The following DOCK9 variants were observed in gnomAD, a reference collection of about 807,000 sequenced individuals.
DOCK9 encodes dedicator of cytokinesis 9.
In DOCK9, 89 loss-of-function variants were observed where a neutral mutation model predicts 263.3. That is an observed-to-expected ratio of 0.34 (90% CI 0.28 to 0.40). DOCK9 has a LOEUF of 0.40. Ranked by LOEUF, DOCK9 falls within the 10% of genes least tolerant of loss-of-function variation. The probability of loss-of-function intolerance (pLI) is 1.00; values close to 1 mark genes in which losing one functional copy is unlikely to be tolerated. For synonymous variants in DOCK9, 976 were observed against 973.1 expected, an observed-to-expected ratio of 1.00 and a Z score of -0.06; for missense variants, 2,140 against 2,603.4, an observed-to-expected ratio of 0.82 and a Z score of 3.87.
chr13:99,074,542 G>C (rs2041828901), intron 1 of DOCK9, among the ~76,000 whole-genome samples: 1 of 152,194 alleles, frequency 6.6e-6, no homozygotes, highest in Non-Finnish European at 1.5e-5. Context: ...CCCACTCCGT[G>C]CCCAGCGGCA....
At chr13:98,828,306 G>C (rs538706046) in intron 43 of DOCK9, among the ~76,000 whole-genome samples, 5 of 152,222 alleles carry the variant, frequency 3.3e-5, no homozygotes, top group Non-Finnish European at 7.3e-5. Context: ...ATTCACAGAG[G>C]AACAGCTGAA....
intron 44 of DOCK9, among the ~76,000 whole-genome samples, chr13:98,824,784 T>C (rs1393711191): frequency 2.0e-5 from 3 of 152,134 alleles, no homozygotes; most frequent in African/African-American, 7.2e-5. Flanking sequence ...AACTGAGAAA[T>C]AGGTATTAAA....
intron 11 of DOCK9, among the ~76,000 whole-genome samples, chr13:98,902,728 T>G (rs949639869): frequency 6.6e-6 from 1 of 152,380 alleles, no homozygotes; most frequent in Middle Eastern, 3.4e-3. Context: ...GAAAACACAG[T>G]TGCGTTCCCT....
rs535100190 is a variant in DOCK9 at position 98,848,128 on chromosome 13, C to G, written c.4061+464G>C. ...GAAGTCCACACAAATTTGGGATGGA[C>G]TGAAAACATTCTTTCATTAAGAAAG... On this transcript the variant is annotated intron_variant, in intron 37 of 52. Coordinates refer to ENST00000682017, the MANE Select transcript of DOCK9 (RefSeq NM_001366683.2). Among the ~76,000 whole-genome samples the G allele has an allele frequency of 5.2e-4, 79 of 152,260 alleles. 1 individual carries two copies. The highest frequency in any genetic ancestry group is 8.8e-4 in the Non-Finnish European group (60 of 68,028).
At chr13:99,000,701 GC>G (rs901588161) in intron 1 of DOCK9, among the ~76,000 whole-genome samples, 13 of 152,114 alleles carry the variant, frequency 8.5e-5, no homozygotes, top group Non-Finnish European at 2.9e-5. Context: ...ATGACAAAAT[GC>G]CCCCAAACCT....
chr13:98,902,941 T>G (rs2048516916), intron 11 of DOCK9, 31 bp downstream of exon 11: 1 of 1,484,502 alleles, frequency 6.7e-7, no homozygotes, highest in East Asian at 2.5e-5. Flanking sequence ...CTATTTTTTT[T>G]TTAATGTTTA....
At chr13:98,850,696 GT>G (rs1425415536) in intron 35 of DOCK9, among the ~76,000 whole-genome samples, 1 of 152,088 alleles carries the variant, frequency 6.6e-6, no homozygotes, top group Non-Finnish European at 1.5e-5. Context: ...TTATAATTAT[GT>G]TTCAATGAAC....
chr13:99,082,715 G>A (rs185477640), intron 1 of DOCK9, among the ~76,000 whole-genome samples: 397 of 152,122 alleles, frequency 2.6e-3, no homozygotes, highest in Non-Finnish European at 4.3e-3. Context: ...TAGAATATAC[G>A]CCAGCCACTG....
intron 1 of DOCK9, among the ~76,000 whole-genome samples, chr13:99,073,178 T>A (rs991126549): frequency 2.8e-4 from 42 of 152,222 alleles, no homozygotes; most frequent in Admixed American, 2.3e-3. Flanking sequence ...CTGACCCGCA[T>A]ACCCTACCAC....
intron 38 of DOCK9, among the ~76,000 whole-genome samples, chr13:98,841,067 A>C (rs1053132746): frequency 6.6e-6 from 1 of 152,204 alleles, no homozygotes; most frequent in Non-Finnish European, 1.5e-5. Flanking sequence ...TTTATTGCTA[A>C]AGAGGTTTTC....
chr13:98,982,252 T>G (rs2141610473), upstream of DOCK9, among the ~76,000 whole-genome samples: 1 of 152,304 alleles, frequency 6.6e-6, no homozygotes, highest in East Asian at 1.9e-4. Context: ...GGGCAATTTG[T>G]GACTCAAAGG....
chr13:98,876,938 T>A (rs1190911932), intron 27 of DOCK9, among the ~76,000 whole-genome samples: 4 of 152,252 alleles, frequency 2.6e-5, no homozygotes, highest in Non-Finnish European at 4.4e-5. Context: ...TACCAGAGTT[T>A]CCACTTAAGC....
chr13:98,938,898 C>T (rs1270114850), intron 2 of DOCK9, among the ~76,000 whole-genome samples: 1 of 152,208 alleles, frequency 6.6e-6, no homozygotes, highest in Non-Finnish European at 1.5e-5. Flanking sequence ...AGACAATCTC[C>T]CAGAGAAGTG....
Position 98,863,123 on chromosome 13 carries a change from C to A in DOCK9, c.3475G>T (p.Ala1159Ser). The A allele has an allele frequency of 6.2e-7, 1 of 1,605,152 alleles. No homozygotes were observed. The highest frequency in any genetic ancestry group is 2.2e-5 in the East Asian group (1 of 44,618). Residue 1159 changes from alanine to serine, a missense_variant, in exon 32 of 53, where the codon GCA (alanine) becomes TCA (serine). This residue lies in a region of DOCK9 where 1,521 missense variants were observed against 1,741.7 expected (regional missense o/e 0.87). Transcript: ENST00000682017. ...DDRYASRSHQ[A>S]RIATLYLPLF... ...GGCAGGTAGAGGGTGGCTATCCTTGCCTGATGGCTCTGAAAAGAAGACACA... is the reference window on the plus strand; with the variant it reads ...GGCAGGTAGAGGGTGGCTATCCTTGACTGATGGCTCTGAAAAGAAGACACA...
intron 30 of DOCK9, 21 bp from the exon 31 acceptor site, chr13:98,863,569 A>C (rs1555368594): frequency 6.3e-7 from 1 of 1,583,476 alleles, no homozygotes; most frequent in Admixed American, 1.8e-5. Flanking sequence ...GATAGAAACT[A>C]CTTGAGTTAG....
At chr13:99,065,910 T>G (rs1479153374) in intron 1 of DOCK9, among the ~76,000 whole-genome samples, 1 of 152,212 alleles carries the variant, frequency 6.6e-6, no homozygotes, top group Non-Finnish European at 1.5e-5. Flanking sequence ...TGTGTTCACT[T>G]AATTGATGCA....
At chr13:98,798,702 T>C (rs1206839768) in intron 50 of DOCK9, among the ~76,000 whole-genome samples, 3 of 152,234 alleles carry the variant, frequency 2.0e-5, no homozygotes, top group African/African-American at 7.2e-5. Flanking sequence ...AGTGAGCTGC[T>C]TGATGAAACA....
At chr13:98,910,557 A>G (rs1322243326) in intron 9 of DOCK9, among the ~76,000 whole-genome samples, 2 of 152,180 alleles carry the variant, frequency 1.3e-5, no homozygotes, top group Non-Finnish European at 2.9e-5. Flanking sequence ...GACATCAGTT[A>G]TTTTTGCACT....
At chr13:99,069,920 C>G (rs1436847136) in intron 1 of DOCK9, among the ~76,000 whole-genome samples, 2 of 152,256 alleles carry the variant, frequency 1.3e-5, no homozygotes, top group Non-Finnish European at 2.9e-5. Context: ...AAGCAAGTCA[C>G]TTGATTTCTC....
Sources: gnomAD v4.1 joint callset for allele counts (sites outside exome capture counted in the v4.1 genomes callset) on GRCh38, gnomAD v4.1.1 for gene constraint, gnomAD v4.1.1 regional missense constraint, MANE v1.5 for transcripts, NCBI Gene and HGNC (gene_info 2026-07-23, HGNC 2026-07-21) for gene names.